Variants in CCDC47 observed in about 807,000 individuals in gnomAD.
CCDC47 encodes coiled-coil domain containing 47.
Under a neutral mutation model 60.5 loss-of-function variants are expected in CCDC47, and 41 were observed. The ratio of observed to expected loss-of-function variants is 0.68; its 90% CI spans 0.53 to 0.88. CCDC47 has a LOEUF of 0.88. Among genes scored for constraint, CCDC47 ranks in the 40% least tolerant of loss-of-function variants. The pLI, the probability that CCDC47 is intolerant of heterozygous loss-of-function variation, is 0.00. For missense variants in CCDC47, 513 were observed against 580.9 expected (o/e 0.88, Z 1.20); for synonymous variants, 195 against 190.7 (o/e 1.02, Z -0.18).
rs2039166864 is a variant in CCDC47, at chr17:63,751,717, C to T, written c.1371+223G>A. On this transcript the variant is annotated intron_variant, in intron 12 of 12. Coordinates refer to ENST00000225726, the MANE Select transcript of CCDC47 (RefSeq NM_020198.3). Reference sequence around the variant, plus strand: ...TCAAAATGAAATTGTGCTGGGGGAACAGGATAATACTGATAATTTTTCACG... The same window carrying T: ...TCAAAATGAAATTGTGCTGGGGGAATAGGATAATACTGATAATTTTTCACG... The T allele has an allele frequency of 3.5e-6, 2 of 568,650 alleles. 1 individual carries two copies. The highest frequency in any genetic ancestry group is 5.0e-5 in the South Asian group (2 of 40,390). 35.2% of individuals were successfully genotyped at this position (568,650 alleles called of 1,614,324 possible). A position where few individuals can be genotyped will look rare whatever the true frequency, so the allele number is the denominator to read the frequency against.
intron 3 of CCDC47, 90 bp from the exon 4 acceptor site, chr17:63,764,280 CAGAA>C: frequency 1.1e-6 from 1 of 939,352 alleles, no homozygotes; most frequent in Non-Finnish European, 1.6e-6. Flanking sequence ...AATCCATAAA[CAGAA>C]GGGATACTTC....
At chr17:63,753,742 A>C in intron 9 of CCDC47, 1 of 376,334 alleles carries the variant, frequency 2.7e-6, no homozygotes, top group Non-Finnish European at 3.7e-6. Context: ...AAAAGGCCAT[A>C]AATTACAAAA....
intron 1 of CCDC47, among the ~76,000 whole-genome samples, chr17:63,771,301 A>G (rs1183707430): frequency 2.0e-5 from 3 of 152,284 alleles, no homozygotes; most frequent in East Asian, 1.9e-4. Flanking sequence ...ATATACATAT[A>G]TAAGTATATG....
At chr17:63,755,372 C>A (rs533422976) in intron 8 of CCDC47, 2 of 907,908 alleles carry the variant, frequency 2.2e-6, no homozygotes, top group African/African-American at 1.8e-5. Context: ...GTAATCCAAG[C>A]GCTTTGGGAG....
intron 3 of CCDC47, among the ~76,000 whole-genome samples, chr17:63,764,510 T>C (rs2039283425): frequency 6.6e-6 from 1 of 152,026 alleles, no homozygotes. Context: ...CCCTGATAAG[T>C]AGTAAAACTA....
chr17:63,763,205 G>A (rs917317541), intron 4 of CCDC47, among the ~76,000 whole-genome samples: 7 of 152,050 alleles, frequency 4.6e-5, no homozygotes, highest in African/African-American at 7.2e-5. Context: ...TTACACGTGT[G>A]AGCCACCGCA....
chr17:63,750,076 A>G (rs566208255), intron 12 of CCDC47, among the ~76,000 whole-genome samples: 1 of 152,342 alleles, frequency 6.6e-6, no homozygotes, highest in Admixed American at 6.5e-5. Context: ...TGCCCAGACC[A>G]GATACTATAA....
chr17:63,759,808 G>A lies in CCDC47; in HGVS notation c.735+1106C>T, dbSNP rs552314284. Among the ~76,000 whole-genome samples the A allele has an allele frequency of 2.0e-5, 3 of 151,370 alleles. No individual in the cohort carries two copies. The South Asian group carries it at 6.2e-4, about 31-fold the overall frequency. On this transcript the variant is annotated intron_variant, in intron 6 of 12. Transcript: ENST00000225726. ...AGGCCGGGTGCAGTGGCTCATGCCT[G>A]TAATCCCAGCACTCTGGGAGGCCAA...
At chr17:63,754,635 T>C in intron 8 of CCDC47, 117 bp from the exon 9 acceptor site, 1 of 613,348 alleles carries the variant, frequency 1.6e-6, no homozygotes, top group Non-Finnish European at 2.8e-6. Flanking sequence ...TCCCCGCACT[T>C]TGGGAGGCAG....
chr17:63,765,115 T>C (rs1173434486), intron 2 of CCDC47: 1 of 153,080 alleles, frequency 6.5e-6, no homozygotes, highest in Non-Finnish European at 1.1e-5. Context: ...TTGTAAGTAT[T>C]CTCACCACAC....
Position 63,746,780 on chromosome 17 carries a change from C to T in CCDC47, c.*101G>A, listed in dbSNP as rs929207663. ...ATAAGGATTTCTCAGTTGCCCAAGA[C>T]TGTCTGAAATTTAAGGTTGAGAAAT... On this transcript the variant is annotated 3_prime_UTR_variant, in exon 13 of 13. Coordinates refer to ENST00000225726, the MANE Select transcript of CCDC47 (RefSeq NM_020198.3). 1 of 887,356 alleles carries T rather than the reference C, an allele frequency of 1.1e-6. No homozygotes were observed. The highest frequency in any genetic ancestry group is 1.6e-5 in the African/African-American group (1 of 60,776). The allele number at this position is 887,356 out of a possible 1,614,324, so 55.0% of individuals were successfully genotyped here.
At chr17:63,766,341 G>GT in intron 1 of CCDC47, 147 bp from the exon 2 acceptor site, 1 of 727,956 alleles carries the variant, frequency 1.4e-6, no homozygotes, top group Non-Finnish European at 2.1e-6. Flanking sequence ...GAACAATGAA[G>GT]TAAGGTCAAG....
intron 4 of CCDC47, 59 bp from the exon 5 acceptor site, chr17:63,761,410 G>T: frequency 6.3e-7 from 1 of 1,599,186 alleles, no homozygotes; most frequent in Non-Finnish European, 8.5e-7. Context: ...GGCCGGGGGT[G>T]GTGGCTCACG....
chr17:63,752,646 C>G, intron 10 of CCDC47, 95 bp downstream of exon 10: 1 of 1,275,744 alleles, frequency 7.8e-7, no homozygotes. Flanking sequence ...ATAGTTTTGA[C>G]GTAGTTTTAA....
At chr17:63,759,576 TAAAA>T (rs2039240533) in intron 6 of CCDC47, among the ~76,000 whole-genome samples, 1 of 56,336 alleles carries the variant, frequency 1.8e-5, no homozygotes, top group Non-Finnish European at 3.3e-5. Context: ...TATATATATA[TAAAA>T]CAATGATTTT....
rs551761450 is a variant in CCDC47, at chr17:63,771,461, C to T, written c.-20+1951G>A. ...AAACATTCTTTTTATACTAGTTGAT[C>T]CTTCAGGTTAGTATCAAGGGACAAT... On this transcript the variant is annotated intron_variant, in intron 1 of 12. Coordinates refer to ENST00000225726, the MANE Select transcript of CCDC47 (RefSeq NM_020198.3). Among the ~76,000 whole-genome samples the T allele has an allele frequency of 3.3e-5, 5 of 152,202 alleles. No homozygotes were observed. In the South Asian group the frequency reaches 1.0e-3, roughly 32 times the overall value.
At chr17:63,753,613 C>T in intron 9 of CCDC47, 1 of 979,420 alleles carries the variant, frequency 1.0e-6, no homozygotes, top group Non-Finnish European at 1.2e-6. Context: ...AGAACAAATC[C>T]AAGTCCTGAA....
chr17:63,756,433 T>C, intron 7 of CCDC47, 36 bp downstream of exon 7: 1 of 1,577,524 alleles, frequency 6.3e-7, no homozygotes, highest in Non-Finnish European at 8.7e-7. Context: ...GGAGACACAG[T>C]TCTACGTATA....
chr17:63,763,592 G>A (rs936151759), intron 4 of CCDC47, among the ~76,000 whole-genome samples: 1 of 151,992 alleles, frequency 6.6e-6, no homozygotes, highest in African/African-American at 2.4e-5. Context: ...CTGGGAGGCC[G>A]AGGTGGGTGG....
Sources: allele counts gnomAD v4.1 joint callset (sites outside exome capture counted in the v4.1 genomes callset), GRCh38; gene constraint gnomAD v4.1.1; transcripts MANE v1.5; gene names NCBI Gene and HGNC (gene_info 2026-07-23, HGNC 2026-07-21).